RELN: variants seen among roughly 807,000 people sequenced by gnomAD.
RELN encodes reelin.
RELN carries 108 observed loss-of-function variants against 427.6 expected under a neutral mutation model. The ratio of observed to expected loss-of-function variants is 0.25; its 90% CI spans 0.22 to 0.30. The LOEUF (loss-of-function observed/expected upper bound fraction) is 0.30. Ranked by LOEUF, RELN falls within the 10% of genes least tolerant of loss-of-function variation. The pLI is 1.00. For synonymous variants in RELN, 1,524 were observed against 1,513.4 expected (o/e 1.01, Z -0.16); for missense variants, 3,715 against 4,302.8 (o/e 0.86, Z 3.82).
rs1195058391 is a variant in RELN at position 103,725,200 on chromosome 7, ATT to A, written c.754-2011_754-2010del. Among the ~76,000 whole-genome samples the A allele has an allele frequency of 2.0e-5, 3 of 152,270 alleles. No homozygotes were observed. The South Asian group carries it at 6.2e-4, about 32-fold the overall frequency. ...TCTAAAATTTTTTATTGAGTTTGAT[ATT>A]GTTTTAGTCCAAACTCACCCTTGTA... On this transcript the variant is annotated intron_variant, in intron 7 of 64. Coordinates refer to ENST00000428762, the MANE Select transcript of RELN (RefSeq NM_005045.4).
chr7:103,561,562 G>T lies in RELN; in HGVS notation c.5499C>A (p.Ile1833=). The part of the protein sequence containing the change: ...AERGNLNGET[I]KSGTSLIFKG... ...TAAAAATTAGAGATGTTCCAGATTT[G>T]ATGGTTTCACCATTCAGATTCCCCC... is the stretch of plus-strand genomic sequence containing the variant. Residue 1833 remains isoleucine (I), a synonymous_variant, in exon 36 of 65, where the codon ATC becomes ATA. Coordinates refer to ENST00000428762, the MANE Select transcript of RELN (RefSeq NM_005045.4). The T allele has an allele frequency of 6.2e-7, 1 of 1,613,706 alleles. No individual in the cohort carries two copies. Among genetic ancestry groups the T allele is most frequent in the Non-Finnish European group, 8.5e-7 (1 of 1,179,712 alleles).
At chr7:103,630,723 T>A (rs74638719) in intron 19 of RELN, among the ~76,000 whole-genome samples, 5,443 of 152,254 alleles carry the variant, frequency 0.036, 156 homozygotes, top group East Asian at 0.14. Flanking sequence ...ACCATGCTGA[T>A]CGCATCCATA....
In RELN at chr7:103,720,173, T is replaced by TTGTG. The variant is rs72036005; in HGVS notation, c.805+2963_805+2966dup. Among the ~76,000 whole-genome samples, 346 of 145,658 alleles carry TTGTG rather than the reference T, an allele frequency of 2.4e-3. 1 individual carries two copies. Among genetic ancestry groups the TTGTG allele is most frequent in the African/African-American group, 3.5e-3 (140 of 39,834 alleles). ...AATATATGTATATATTGTATAAACA[T>TTGTG]TGTGTGTGTGTGTGTGTGTGTGTGT... On this transcript the variant is annotated intron_variant, in intron 8 of 64. Transcript: ENST00000428762.
At chr7:103,738,449 G>A (rs185453369) in intron 6 of RELN, among the ~76,000 whole-genome samples, 14 of 151,408 alleles carry the variant, frequency 9.2e-5, no homozygotes, top group Admixed American at 7.9e-4. Flanking sequence ...AATGAGATAC[G>A]CAGATCTCAG....
chr7:103,594,629 G>A (rs990393767), intron 25 of RELN, 137 bp from the exon 26 acceptor site: 113 of 867,150 alleles, frequency 1.3e-4, no homozygotes, highest in Non-Finnish European at 1.9e-4. Context: ...AAGCCCGTAA[G>A]TTTGGACATA....
Position 103,576,223 on chromosome 7 carries a change from A to C in RELN, c.4146-518T>G, listed in dbSNP as rs377752336. Among the ~76,000 whole-genome samples, 3 of 152,228 alleles carry C rather than the reference A, an allele frequency of 2.0e-5. No individual in the cohort carries two copies. In the East Asian group the frequency reaches 5.8e-4, roughly 29 times the overall value. ...TCCATCCAGCCTGGGTGACAGGGCG[A>C]GACTCCGTCTCAAAAAAAAAATTCT... On this transcript the variant is annotated intron_variant, in intron 28 of 64. Coordinates refer to ENST00000428762, the MANE Select transcript of RELN (RefSeq NM_005045.4).
At chr7:103,529,104 C>G (rs1349577971) in intron 46 of RELN, among the ~76,000 whole-genome samples, 1 of 150,896 alleles carries the variant, frequency 6.6e-6, no homozygotes, top group African/African-American at 2.4e-5. Context: ...CCACTGCACT[C>G]TAGCCTGACA....
rs376810837 is a variant in RELN, at chr7:103,508,805, G to C, written c.8274+2046C>G. 6.0e-4 allele frequency among the ~76,000 whole-genome samples: 92 copies of C among 152,302 alleles called. 1 individual carries two copies. The highest frequency in any genetic ancestry group is 2.0e-3 in the African/African-American group (85 of 41,572). On this transcript the variant is annotated intron_variant, in intron 51 of 64. Transcript: ENST00000428762. Reference sequence around the variant, plus strand: ...TAAGCTGATAAGCAACTTCAGCAAAGTCTCAGGATACAAAAATCAATGTGC... The same window carrying C: ...TAAGCTGATAAGCAACTTCAGCAAACTCTCAGGATACAAAAATCAATGTGC...
At chr7:103,808,641 G>T (rs1418081947) in intron 3 of RELN, among the ~76,000 whole-genome samples, 1 of 151,814 alleles carries the variant, frequency 6.6e-6, no homozygotes, top group Non-Finnish European at 1.5e-5. Flanking sequence ...TATGAAAATA[G>T]AAATATTCAC....
intron 8 of RELN, among the ~76,000 whole-genome samples, chr7:103,707,104 G>A (rs1834219889): frequency 6.6e-6 from 1 of 152,036 alleles, no homozygotes; most frequent in Admixed American, 6.6e-5. Flanking sequence ...CTTCCAAGTA[G>A]TTGGGACTAC....
chr7:103,650,291 A>G lies in RELN; in HGVS notation c.1985T>C (p.Met662Thr). 6.2e-7 allele frequency: 1 copy of G among 1,605,330 alleles called. No homozygotes were observed. The highest frequency in any genetic ancestry group is 8.5e-7 in the Non-Finnish European group (1 of 1,172,356). Residue 662 changes from methionine (M) to threonine (T), a missense_variant, in exon 16 of 65, where the codon ATG becomes ACG. Physicochemically the swap from Met to Thr is moderately conservative, Grantham distance 81. Around this residue, in one of 4 missense-constraint regions of RELN, gnomAD observed 2,208 missense variants for 2,361.7 expected, o/e 0.93. Coordinates refer to ENST00000428762, the MANE Select transcript of RELN (RefSeq NM_005045.4). Reference sequence around the variant, plus strand: ...ACACTAACCATTATCAATTGCCCACATGTTTCCAAGGATTGGTCCTGTTTG... The same window carrying G: ...ACACTAACCATTATCAATTGCCCACGTGTTTCCAAGGATTGGTCCTGTTTG... ...WRQTGPILGNMWAIDNVYIGP... is the reference protein window; with the variant it reads ...WRQTGPILGNTWAIDNVYIGP...
At chr7:103,583,000 T>C (rs1342288602) in intron 28 of RELN, among the ~76,000 whole-genome samples, 3 of 152,218 alleles carry the variant, frequency 2.0e-5, no homozygotes, top group Non-Finnish European at 4.4e-5. Context: ...GCCAGAAAGA[T>C]GGCAAAGTGT....
At chr7:103,846,404 T>C (rs941305846) in intron 2 of RELN, among the ~76,000 whole-genome samples, 2 of 152,192 alleles carry the variant, frequency 1.3e-5, no homozygotes, top group Non-Finnish European at 2.9e-5. Context: ...ACCCCTTCCT[T>C]ACACTTTATA....
In RELN at chr7:103,900,026, C is replaced by A. The variant is rs557687581; in HGVS notation, c.337+17049G>T. 6.0e-3 allele frequency among the ~76,000 whole-genome samples: 910 copies of A among 152,258 alleles called. 8 individuals are homozygous for A. Among genetic ancestry groups the A allele is most frequent in the African/African-American group, 0.021 (877 of 41,548 alleles). On this transcript the variant is annotated intron_variant, in intron 2 of 64. Coordinates refer to ENST00000428762, the MANE Select transcript of RELN (RefSeq NM_005045.4). Reference sequence around the variant, plus strand: ...TCAAATAGTCCCTGTTTGCAGTTGACATGATTGTATATTTAGAAAACCCCA... The same window carrying A: ...TCAAATAGTCCCTGTTTGCAGTTGAAATGATTGTATATTTAGAAAACCCCA...
intron 6 of RELN, among the ~76,000 whole-genome samples, chr7:103,745,150 A>G (rs1397977223): frequency 1.3e-5 from 2 of 152,122 alleles, no homozygotes; most frequent in African/African-American, 2.4e-5. Flanking sequence ...TATAAACAGA[A>G]CCAAAGACAA....
At chr7:103,746,741 G>T (rs200613958) in intron 6 of RELN, among the ~76,000 whole-genome samples, 2 of 150,004 alleles carry the variant, frequency 1.3e-5, no homozygotes, top group South Asian at 2.1e-4. Flanking sequence ...TTAGAATGGC[G>T]ATCATTAAAA....
chr7:103,740,601 T>A (rs1004142253), intron 6 of RELN, among the ~76,000 whole-genome samples: 4 of 152,224 alleles, frequency 2.6e-5, no homozygotes, highest in African/African-American at 9.6e-5. Context: ...TATAATATCA[T>A]TTTATGTTCC....
rs757217163 is a variant in RELN at position 103,859,641 on chromosome 7, A to G, written c.338-25969T>C. On this transcript the variant is annotated intron_variant, in intron 2 of 64. Coordinates refer to ENST00000428762, the MANE Select transcript of RELN (RefSeq NM_005045.4). The stretch of plus-strand genomic sequence containing the variant: ...GAAGATTTGATTAAAGATAATATAA[A>G]TAGAATATTAATTGGGTTTTTAACA... 8.5e-5 allele frequency among the ~76,000 whole-genome samples: 13 copies of G among 152,322 alleles called. No individual in the cohort carries two copies. In the South Asian group the frequency reaches 1.0e-3, roughly 12 times the overall value.
rs1485609350 is a variant in RELN, at chr7:103,519,566, A to T, written c.7669-50T>A. On this transcript the variant is annotated intron_variant, in intron 48 of 64. Transcript: ENST00000428762. ...AAAAGTGATAAGGAATCTCGATTGC[A>T]GATTATAGATTTTCTATGGATTTTT... 3.6e-6 allele frequency: 5 copies of T among 1,383,152 alleles called. No homozygotes were observed. In the African/African-American group the frequency reaches 6.0e-5, roughly 17 times the overall value. The allele number at this position is 1,383,152 out of a possible 1,614,324, so 85.7% of individuals were successfully genotyped here.
Sources: gnomAD v4.1 joint callset for allele counts (sites outside exome capture counted in the v4.1 genomes callset) on GRCh38, gnomAD v4.1.1 for gene constraint, gnomAD v4.1.1 regional missense constraint, MANE v1.5 for transcripts, NCBI Gene and HGNC (gene_info 2026-07-23, HGNC 2026-07-21) for gene names.